BANP: variants seen among roughly 807,000 people sequenced by gnomAD.
The protein encoded by BANP is protein BANP.
In BANP, 11 loss-of-function variants were observed where a neutral mutation model predicts 68.1. The ratio of observed to expected loss-of-function variants is 0.16; its 90% CI spans 0.10 to 0.27. The LOEUF is 0.27. Among genes scored for constraint, BANP ranks in the 10% least tolerant of loss-of-function variants. BANP has a pLI of 1.00. For synonymous variants in BANP, 329 were observed against 303.2 expected (o/e 1.09, Z -0.88); for missense variants, 504 against 722.7 (o/e 0.70, Z 3.47).
Position 88,004,502 on chromosome 16 carries a change from A to G in BANP, c.479+91A>G. 2 of 721,028 alleles carry G rather than the reference A, an allele frequency of 2.8e-6. No individual in the cohort carries two copies. Among genetic ancestry groups the G allele is most frequent in the Non-Finnish European group, 4.6e-6 (2 of 437,172 alleles). The allele number at this position is 721,028 out of a possible 1,614,324, so 44.7% of individuals were successfully genotyped here. On this transcript the variant is annotated intron_variant, in intron 5 of 13. Transcript: ENST00000682872. This position sits in a 1 kb window ranked among gnomAD's most constrained non-coding sequence, Gnocchi z 7.0. ...ACGTCCCTAAGCCAGGGCACAGTCCAGCACACGCTTCATCTCTGTGGTCAC... is the reference window on the plus strand; with the variant it reads ...ACGTCCCTAAGCCAGGGCACAGTCCGGCACACGCTTCATCTCTGTGGTCAC...
chr16:88,047,897 C>T (rs966207904), intron 11 of BANP, among the ~76,000 whole-genome samples: 17 of 152,208 alleles, frequency 1.1e-4, no homozygotes, highest in African/African-American at 4.1e-4. Context: ...GTCACTTAAA[C>T]ATTTTGAAGA....
intron 11 of BANP, among the ~76,000 whole-genome samples, chr16:88,052,624 A>G (rs1260573066): frequency 1.3e-5 from 2 of 151,772 alleles, no homozygotes; most frequent in East Asian, 1.9e-4. Flanking sequence ...CATCTCCATC[A>G]TCCTCACCAT....
chr16:88,014,850 T>G (rs1219266824), intron 6 of BANP, among the ~76,000 whole-genome samples: 1 of 151,940 alleles, frequency 6.6e-6, no homozygotes, highest in East Asian at 1.9e-4. Flanking sequence ...GAGACCACCC[T>G]CATGTACCCA....
chr16:87,999,933 C>T (rs372862034), intron 4 of BANP, among the ~76,000 whole-genome samples: 5 of 115,398 alleles, frequency 4.3e-5, no homozygotes, highest in African/African-American at 1.4e-4. Context: ...CGCACGTGCG[C>T]GGCTGGACTT....
chr16:88,007,976 A>G (rs1179478702), intron 6 of BANP, among the ~76,000 whole-genome samples: 1 of 152,076 alleles, frequency 6.6e-6, no homozygotes, highest in Non-Finnish European at 1.5e-5. Flanking sequence ...GACTAATTCT[A>G]GAATATTTTT....
intron 12 of BANP, among the ~76,000 whole-genome samples, chr16:88,067,063 C>G (rs1358372338): frequency 1.3e-5 from 2 of 148,470 alleles, no homozygotes; most frequent in South Asian, 2.1e-4. Flanking sequence ...CACACTCGCT[C>G]TCTTTTTTAT....
In BANP at chr16:88,002,577, G is replaced by A. The variant is rs759492562; in HGVS notation, c.363-1718G>A. 1.3e-5 allele frequency among the ~76,000 whole-genome samples: 2 copies of A among 152,136 alleles called. No homozygotes were observed. The highest frequency in any genetic ancestry group is 2.9e-5 in the Non-Finnish European group (2 of 68,016). On this transcript the variant is annotated intron_variant, in intron 4 of 13. Coordinates refer to ENST00000682872, the MANE Select transcript of BANP (RefSeq NM_001386991.1). The surrounding 1 kb of genome is among the most constrained non-coding windows in gnomAD (Gnocchi z 4.6). ...GGCAACAGGACATTCTGGAAGGTGG[G>A]GATCTGGAGACTGCGTTGCTGAGAG...
intron 4 of BANP, among the ~76,000 whole-genome samples, chr16:88,001,885 A>G (rs1443678908): frequency 6.7e-6 from 1 of 150,150 alleles, no homozygotes; most frequent in Non-Finnish European, 1.5e-5. Flanking sequence ...GAAAAAATTT[A>G]TGTTCCTAAC....
chr16:87,990,070 C>T (rs192214525), intron 4 of BANP, among the ~76,000 whole-genome samples: 373 of 152,146 alleles, frequency 2.5e-3, no homozygotes, highest in African/African-American at 8.0e-3. Flanking sequence ...CTCACAGCCC[C>T]GGATTTTCTG....
intron 1 of BANP, among the ~76,000 whole-genome samples, chr16:87,951,896 C>G (rs937626393): frequency 1.3e-5 from 2 of 152,168 alleles, no homozygotes; most frequent in Admixed American, 1.3e-4. Flanking sequence ...GCCCGGGCTC[C>G]TCTGGGGCCC....
rs182331905 is a variant in BANP, at chr16:87,965,526, G to C, written c.-68-9522G>C. On this transcript the variant is annotated intron_variant, in intron 1 of 13. Transcript: ENST00000682872. ...GAGGAGGCAGGAGTGGGCATTCTTGGGAAGTGAGAGGGAGGAGAGCAGGAT... is the reference window on the plus strand; with the variant it reads ...GAGGAGGCAGGAGTGGGCATTCTTGCGAAGTGAGAGGGAGGAGAGCAGGAT... 2.6e-5 allele frequency among the ~76,000 whole-genome samples: 4 copies of C among 151,722 alleles called. No homozygotes were observed. In the East Asian group the frequency reaches 7.8e-4, roughly 30 times the overall value.
chr16:88,037,553 T>C (rs1035727164), intron 10 of BANP: 8 of 179,392 alleles, frequency 4.5e-5, no homozygotes, highest in Non-Finnish European at 8.2e-5. Context: ...GTTGGTTCCT[T>C]GCGTGCAGCC....
chr16:88,045,977 C>G (rs773392712), intron 11 of BANP, among the ~76,000 whole-genome samples: 1 of 152,264 alleles, frequency 6.6e-6, no homozygotes, highest in Non-Finnish European at 1.5e-5. Context: ...CTGGCACTCA[C>G]CAGCCTCCGG....
chr16:88,005,959 A>G (rs753159957), intron 5 of BANP, 131 bp from the exon 6 acceptor site: 2 of 1,010,802 alleles, frequency 2.0e-6, no homozygotes, highest in Non-Finnish European at 3.0e-6. Flanking sequence ...TGGTAGAGAG[A>G]GCAGTATGGG....
rs776345236 is a variant in BANP, at chr16:88,029,332, G to A, written c.1063+1682G>A. ...AAAAAAAAAAAAAAAAAAAAAAGCC[G>A]GGTGCTGTGGCTCACGCATGTAATC... On this transcript the variant is annotated intron_variant, in intron 8 of 13. Coordinates refer to ENST00000682872, the MANE Select transcript of BANP (RefSeq NM_001386991.1). 3.2e-4 allele frequency among the ~76,000 whole-genome samples: 47 copies of A among 147,966 alleles called. 1 individual carries two copies. The highest frequency in any genetic ancestry group is 1.3e-3 in the Admixed American group (19 of 14,856).
rs765066424 is a variant in BANP at position 88,071,821 on chromosome 16, G to A, written c.1378-248G>A. On this transcript the variant is annotated intron_variant, in intron 12 of 13. Transcript: ENST00000682872. The surrounding 1 kb of genome is among the most constrained non-coding windows in gnomAD (Gnocchi z 6.5). ...TTTTTCCCTTTTTTCTGCTCTGTAG[G>A]TGCTTGAGGGCGGAGTTGCAGATCC... 4 of 695,500 alleles carry A rather than the reference G, an allele frequency of 5.8e-6. No individual in the cohort carries two copies. The highest frequency in any genetic ancestry group is 1.0e-5 in the Non-Finnish European group (4 of 381,266). 43.1% of individuals were successfully genotyped at this position (695,500 alleles called of 1,614,324 possible). A position where few individuals can be genotyped will look rare whatever the true frequency, so the allele number is the denominator to read the frequency against.
intron 11 of BANP, among the ~76,000 whole-genome samples, chr16:88,063,380 C>A (rs1232043191): frequency 6.6e-6 from 1 of 152,202 alleles, no homozygotes; most frequent in Non-Finnish European, 1.5e-5. Context: ...TCCACGTGGC[C>A]CGGCTCAGCG....
chr16:88,045,314 C>T (rs188804846), intron 11 of BANP, among the ~76,000 whole-genome samples: 14 of 152,330 alleles, frequency 9.2e-5, no homozygotes, highest in South Asian at 2.1e-4. Context: ...CGATGTTTGC[C>T]GCAGCTGTCC....
In BANP at chr16:88,020,901, G is replaced by A. The variant is rs375141094; in HGVS notation, c.895+2234G>A. ...TGAGGTGACAGGGGCATGGCAGGGC[G>A]ATACTCAGAGCAGAGTCCATGGCGG... On this transcript the variant is annotated intron_variant, in intron 7 of 13. Transcript: ENST00000682872. 3.9e-5 allele frequency among the ~76,000 whole-genome samples: 6 copies of A among 152,326 alleles called. No homozygotes were observed. In the East Asian group the frequency reaches 5.8e-4, roughly 15 times the overall value.
Sources: allele counts gnomAD v4.1 joint callset (sites outside exome capture counted in the v4.1 genomes callset), GRCh38; gene constraint gnomAD v4.1.1; non-coding constraint Gnocchi (gnomAD v3.1); transcripts MANE v1.5; gene names NCBI Gene and HGNC (gene_info 2026-07-23, HGNC 2026-07-21).